PRKCB: variants seen among roughly 807,000 people sequenced by gnomAD.
The protein encoded by PRKCB is protein kinase C beta type.
PRKCB carries 13 observed loss-of-function variants against 81.5 expected under a neutral mutation model. The ratio of observed to expected loss-of-function variants is 0.16; its 90% confidence interval spans 0.10 to 0.25. PRKCB has a LOEUF of 0.25. Ranked by LOEUF, PRKCB falls within the 10% of genes least tolerant of loss-of-function variation. The probability of loss-of-function intolerance (pLI) is 1.00; values close to 1 mark genes in which losing one functional copy is unlikely to be tolerated. For synonymous variants in PRKCB, 335 were observed against 321.4 expected (o/e 1.04, Z -0.45); for missense variants, 509 against 875.7 (o/e 0.58, Z 5.29).
At chr16:24,159,098 A>G (rs1308596583) in intron 10 of PRKCB, among the ~76,000 whole-genome samples, 3 of 152,208 alleles carry the variant, frequency 2.0e-5, no homozygotes, top group Non-Finnish European at 4.4e-5. Context: ...TCACCTGTTC[A>G]GTGAAGCCAC....
chr16:24,113,580 C>A (rs1185126183), intron 8 of PRKCB, among the ~76,000 whole-genome samples: 1 of 143,490 alleles, frequency 7.0e-6, no homozygotes, highest in Non-Finnish European at 1.5e-5. Context: ...TTCATTCTTT[C>A]TCCCCTTTCT....
Position 23,900,718 on chromosome 16 carries a change from G to GTTTTTTTTTTTTTTTTT in PRKCB, c.205+63328_205+63344dup, listed in dbSNP as rs56897816. On this transcript the variant is annotated intron_variant, in intron 2 of 16. Coordinates refer to ENST00000643927, the MANE Select transcript of PRKCB (RefSeq NM_002738.7). ...CTCATTCATTTTAACAGCTGCACAG[G>GTTTTTTTTTTTTTTTTT]TTTTTTTTTTTTTTTTTTTTTTTTT... is the stretch of plus-strand genomic sequence containing the variant. Among the ~76,000 whole-genome samples the GTTTTTTTTTTTTTTTTT allele has an allele frequency of 8.0e-5, 5 of 62,266 alleles. 1 individual carries two copies. Among genetic ancestry groups the GTTTTTTTTTTTTTTTTT allele is most frequent in the African/African-American group, 3.5e-4 (5 of 14,276 alleles). The allele number at this position is 62,266 out of a possible 152,430, so 40.8% of individuals were successfully genotyped here. A position where few individuals can be genotyped will look rare whatever the true frequency, so the allele number is the denominator to read the frequency against.
At chr16:24,064,351 G>C (rs1383283065) in intron 5 of PRKCB, among the ~76,000 whole-genome samples, 1 of 152,096 alleles carries the variant, frequency 6.6e-6, no homozygotes, top group Non-Finnish European at 1.5e-5. Context: ...CACAAGTTTT[G>C]AATATTTTTG....
intron 7 of PRKCB, among the ~76,000 whole-genome samples, chr16:24,104,430 C>T (rs183854195): frequency 8.5e-5 from 13 of 152,226 alleles, no homozygotes; most frequent in South Asian, 4.2e-4. Context: ...GACAAGAATC[C>T]GTGGCCTCAT....
At chr16:24,024,663 G>A (rs2141849075) in intron 3 of PRKCB, among the ~76,000 whole-genome samples, 1 of 152,316 alleles carries the variant, frequency 6.6e-6, no homozygotes, top group African/African-American at 2.4e-5. Flanking sequence ...TATGTCTGCT[G>A]GCCTCAGGAC....
At chr16:23,936,459 T>C (rs1053725203) in intron 2 of PRKCB, among the ~76,000 whole-genome samples, 13 of 152,086 alleles carry the variant, frequency 8.5e-5, no homozygotes, top group African/African-American at 3.1e-4. Context: ...CTCACCCAGG[T>C]TGCAGTACAT....
At chr16:24,079,352 G>A (rs1458802204) in intron 5 of PRKCB, among the ~76,000 whole-genome samples, 3 of 152,190 alleles carry the variant, frequency 2.0e-5, no homozygotes, top group Non-Finnish European at 2.9e-5. Context: ...TCAGAAGTCC[G>A]AGTATCAGCT....
intron 2 of PRKCB, among the ~76,000 whole-genome samples, chr16:23,982,188 C>T (rs1196266755): frequency 3.5e-5 from 1 of 28,738 alleles, no homozygotes; most frequent in Non-Finnish European, 6.7e-5. Context: ...CCTTTCCCTT[C>T]CTCTTCCCTT....
At chr16:24,004,668 TA>T (rs1965092811) in intron 3 of PRKCB, among the ~76,000 whole-genome samples, 1 of 151,584 alleles carries the variant, frequency 6.6e-6, no homozygotes, top group African/African-American at 2.4e-5. Context: ...TAAACAAAAC[TA>T]AACAAAAACA....
At chr16:24,000,284 A>G (rs1216420237) in intron 3 of PRKCB, among the ~76,000 whole-genome samples, 3 of 152,200 alleles carry the variant, frequency 2.0e-5, no homozygotes, top group Non-Finnish European at 2.9e-5. Context: ...GCTCAGAGTC[A>G]TAGATGGCCT....
At chr16:24,172,126 TG>T in intron 10 of PRKCB, 143 bp from the exon 11 acceptor site, 1 of 652,972 alleles carries the variant, frequency 1.5e-6, no homozygotes, top group Admixed American at 2.4e-5. Context: ...ACCTTACCCT[TG>T]GGGAAACAGG....
intron 10 of PRKCB, among the ~76,000 whole-genome samples, chr16:24,166,483 A>G (rs1967349203): frequency 6.6e-6 from 1 of 152,154 alleles, no homozygotes; most frequent in Non-Finnish European, 1.5e-5. Context: ...CCTCTCCAGC[A>G]ATAATAGCCA....
At chr16:23,973,741 C>T (rs1347911478) in intron 2 of PRKCB, among the ~76,000 whole-genome samples, 3 of 152,154 alleles carry the variant, frequency 2.0e-5, no homozygotes, top group Non-Finnish European at 4.4e-5. Flanking sequence ...AGTGCATTGG[C>T]ATGATCACGG....
intron 2 of PRKCB, among the ~76,000 whole-genome samples, chr16:23,966,753 T>G (rs1351652776): frequency 1.3e-5 from 2 of 152,078 alleles, no homozygotes; most frequent in Non-Finnish European, 2.9e-5. Context: ...GGGGAACTAT[T>G]CCTTATTCAT....
chr16:23,889,193 T>C (rs1225160493), intron 2 of PRKCB, among the ~76,000 whole-genome samples: 3 of 151,914 alleles, frequency 2.0e-5, no homozygotes, highest in Admixed American at 1.3e-4. Context: ...TTCAATGTAG[T>C]GTAATGATTA....
At chr16:24,004,259 C>A (rs1478839769) in intron 3 of PRKCB, among the ~76,000 whole-genome samples, 1 of 151,776 alleles carries the variant, frequency 6.6e-6, no homozygotes, top group African/African-American at 2.4e-5. Context: ...CAACTCTTGG[C>A]AGTGTATAAA....
chr16:24,116,784 G>C (rs1328334486), intron 8 of PRKCB, among the ~76,000 whole-genome samples: 1 of 152,216 alleles, frequency 6.6e-6, no homozygotes, highest in Non-Finnish European at 1.5e-5. Flanking sequence ...TGCTGTTATA[G>C]AAATGTACTA....
At chr16:24,079,033 G>T (rs1275806590) in intron 5 of PRKCB, among the ~76,000 whole-genome samples, 5 of 152,084 alleles carry the variant, frequency 3.3e-5, no homozygotes, top group Non-Finnish European at 7.4e-5. Context: ...CATCCAGATG[G>T]CCTGAAGCAA....
At chr16:24,004,712 T>C (rs1965093377) in intron 3 of PRKCB, among the ~76,000 whole-genome samples, 1 of 152,114 alleles carries the variant, frequency 6.6e-6, no homozygotes, top group South Asian at 2.1e-4. Flanking sequence ...TGAACTCTAA[T>C]GCATTACTGG....
Sources: allele counts gnomAD v4.1 joint callset (sites outside exome capture counted in the v4.1 genomes callset), GRCh38; gene constraint gnomAD v4.1.1; transcripts MANE v1.5; gene names NCBI Gene and HGNC (gene_info 2026-07-23, HGNC 2026-07-21).